Variants in CTNNA2 observed in about 807,000 individuals in gnomAD.
CTNNA2 encodes catenin alpha-2.
In CTNNA2, 42 loss-of-function variants were observed where a neutral mutation model predicts 101.0. That is an observed-to-expected ratio of 0.42 (90% confidence interval 0.32 to 0.54). The LOEUF is 0.54. Among genes scored for constraint, CTNNA2 ranks in the 20% least tolerant of loss-of-function variants. The pLI, the probability that CTNNA2 is intolerant of heterozygous loss-of-function variation, is 0.14. For missense variants in CTNNA2, 871 were observed against 1,223.1 expected (o/e 0.71, Z 4.29); for synonymous variants, 450 against 456.4 (o/e 0.99, Z 0.18).
chr2:80,171,431 A>T (rs1478603298), intron 7 of CTNNA2, among the ~76,000 whole-genome samples: 1 of 152,240 alleles, frequency 6.6e-6, no homozygotes, highest in East Asian at 1.9e-4. Flanking sequence ...AGGTTCTATA[A>T]AAGTAAACAT....
chr2:80,060,419 G>T (rs914085370), intron 7 of CTNNA2, among the ~76,000 whole-genome samples: 2 of 152,144 alleles, frequency 1.3e-5, no homozygotes, highest in African/African-American at 4.8e-5. Flanking sequence ...ATAATGGCAT[G>T]CCTTGGAGCA....
intron 8 of CTNNA2, among the ~76,000 whole-genome samples, chr2:80,412,169 C>T (rs1442572546): frequency 1.3e-5 from 2 of 152,166 alleles, no homozygotes; most frequent in Non-Finnish European, 2.9e-5. Context: ...GTCACTGTCT[C>T]TTCTCATAAA....
At chr2:79,988,576 A>G (rs1323240953) in intron 7 of CTNNA2, among the ~76,000 whole-genome samples, 1 of 151,984 alleles carries the variant, frequency 6.6e-6, no homozygotes, top group East Asian at 1.9e-4. Context: ...TTTTTATTTA[A>G]CCTCAAGTAA....
intron 7 of CTNNA2, among the ~76,000 whole-genome samples, chr2:80,154,983 A>G (rs1223372726): frequency 6.6e-6 from 1 of 152,216 alleles, no homozygotes; most frequent in Non-Finnish European, 1.5e-5. Context: ...GAGATAAATA[A>G]CACTTCATGG....
At chr2:79,937,836 C>G (rs918731280) in intron 7 of CTNNA2, among the ~76,000 whole-genome samples, 2 of 152,140 alleles carry the variant, frequency 1.3e-5, no homozygotes, top group African/African-American at 4.8e-5. Flanking sequence ...TGCTTAATGT[C>G]CCATCCTGGT....
At chr2:80,207,544 T>C (rs1285774926) in intron 7 of CTNNA2, among the ~76,000 whole-genome samples, 1 of 152,052 alleles carries the variant, frequency 6.6e-6, no homozygotes, top group Non-Finnish European at 1.5e-5. Context: ...GATGAGGAAG[T>C]GTGGAGACAG....
At chr2:79,842,310 C>G (rs552999118) in intron 3 of CTNNA2, among the ~76,000 whole-genome samples, 10 of 152,212 alleles carry the variant, frequency 6.6e-5, no homozygotes, top group African/African-American at 2.4e-4. Flanking sequence ...TAGCCTCTGG[C>G]AAAACTAGCC....
At chr2:79,412,555 A>G (rs1678427366) in intron 4 of CTNNA2, among the ~76,000 whole-genome samples, 1 of 152,054 alleles carries the variant, frequency 6.6e-6, no homozygotes, top group South Asian at 2.1e-4. Flanking sequence ...CTCTCAGACC[A>G]CAGTGCAATC....
At chr2:80,590,835 A>G (rs1160898830) in intron 15 of CTNNA2, among the ~76,000 whole-genome samples, 1 of 152,166 alleles carries the variant, frequency 6.6e-6, no homozygotes, top group East Asian at 1.9e-4. Flanking sequence ...TCACACATTT[A>G]TTTCACAAAG....
chr2:79,822,281 T>G (rs1574059439), intron 3 of CTNNA2, among the ~76,000 whole-genome samples: 1 of 152,272 alleles, frequency 6.6e-6, no homozygotes, highest in African/African-American at 2.4e-5. Context: ...ATGTAAAAAA[T>G]TTCAGAGCCT....
chr2:79,496,542 G>A (rs1671257556), intron 4 of CTNNA2, among the ~76,000 whole-genome samples: 1 of 151,832 alleles, frequency 6.6e-6, no homozygotes, highest in African/African-American at 2.4e-5. Flanking sequence ...TTTTGAATGA[G>A]CCAATATTAT....
intron 7 of CTNNA2, among the ~76,000 whole-genome samples, chr2:80,164,115 C>A (rs565045527): frequency 6.6e-6 from 1 of 151,574 alleles, no homozygotes; most frequent in Non-Finnish European, 1.5e-5. Context: ...CTAATATATA[C>A]GTTTTAATTG....
chr2:79,360,896 T>C (rs1677612905), intron 3 of CTNNA2, among the ~76,000 whole-genome samples: 1 of 152,138 alleles, frequency 6.6e-6, no homozygotes, highest in Admixed American at 6.5e-5. Flanking sequence ...ATAGCAGTCA[T>C]GCTTTGAAGA....
At chr2:79,496,957 A>G (rs532890116) in intron 4 of CTNNA2, among the ~76,000 whole-genome samples, 109 of 152,354 alleles carry the variant, frequency 7.2e-4, no homozygotes, top group African/African-American at 2.5e-3. Flanking sequence ...TAGGCCATAT[A>G]TAGAAAACTG....
intron 4 of CTNNA2, among the ~76,000 whole-genome samples, chr2:79,481,741 A>G (rs1003283050): frequency 6.6e-6 from 1 of 152,178 alleles, no homozygotes; most frequent in African/African-American, 2.4e-5. Context: ...CAGCTTTTAA[A>G]TAACAATTAA....
At chr2:79,317,641 C>T (rs894425040) in intron 3 of CTNNA2, among the ~76,000 whole-genome samples, 10 of 152,006 alleles carry the variant, frequency 6.6e-5, no homozygotes, top group Admixed American at 5.2e-4. Context: ...GTTCTCACTC[C>T]AAAATTTATG....
rs189274339 is a variant in CTNNA2, at chr2:80,249,695, T to A, written c.1057-143516T>A. ...TTCTGCGGGATTCTAAGATACATAT[T>A]TAAAACTATTACATTCAGCTGCCTG... On this transcript the variant is annotated intron_variant, in intron 7 of 18. Coordinates refer to ENST00000402739, the MANE Select transcript of CTNNA2 (RefSeq NM_001282597.3). 6.9e-3 allele frequency among the ~76,000 whole-genome samples: 1,045 copies of A among 152,246 alleles called. 4 individuals carry two copies. The highest frequency in any genetic ancestry group is 0.041 in the Middle Eastern group (12 of 294).
At chr2:79,264,547 G>A (rs774834225) in intron 2 of CTNNA2, among the ~76,000 whole-genome samples, 3 of 152,106 alleles carry the variant, frequency 2.0e-5, no homozygotes, top group Non-Finnish European at 4.4e-5. Context: ...AAGCAATGCT[G>A]TGATAATTAA....
At chr2:79,597,495 C>T (rs1367091697) in intron 1 of CTNNA2, among the ~76,000 whole-genome samples, 1 of 151,696 alleles carries the variant, frequency 6.6e-6, no homozygotes, top group East Asian at 1.9e-4. Flanking sequence ...ATATTAGCTG[C>T]CCCCTTAGAG....
Sources: allele counts gnomAD v4.1 joint callset (sites outside exome capture counted in the v4.1 genomes callset), GRCh38; gene constraint gnomAD v4.1.1; transcripts MANE v1.5; gene names NCBI Gene and HGNC (gene_info 2026-07-23, HGNC 2026-07-21).